Variants in GALNT18 observed in about 807,000 individuals in gnomAD.
GALNT18 encodes the protein polypeptide N-acetylgalactosaminyltransferase 18.
Under a neutral mutation model 69.5 loss-of-function variants are expected in GALNT18, and 44 were observed. That is an observed-to-expected ratio of 0.63 (90% CI 0.50 to 0.81). The LOEUF is 0.81. GALNT18 is among the 40% of genes least tolerant of loss of function. The pLI is 0.00. For synonymous variants in GALNT18, 364 were observed against 318.2 expected (o/e 1.14, Z -1.53); for missense variants, 715 against 810.0 (o/e 0.88, Z 1.42).
At chr11:11,450,035 C>A (rs761271149) in intron 1 of GALNT18, among the ~76,000 whole-genome samples, 2 of 152,170 alleles carry the variant, frequency 1.3e-5, no homozygotes, top group Non-Finnish European at 2.9e-5. Flanking sequence ...GACAGGCCAT[C>A]AGGTGAATCA....
rs1565038490 is a variant in GALNT18, at chr11:11,606,297, T to A, written c.235+15062A>T. ...AAAAACCGGACCCAGTCTCCACCTT[T>A]AAGTAACCCACAGTCTAATGAGAAA... On this transcript the variant is annotated intron_variant, in intron 1 of 10. Transcript: ENST00000227756. The surrounding 1 kb of genome is among the most constrained non-coding windows in gnomAD (Gnocchi z 5.4). Among the ~76,000 whole-genome samples, 1 of 152,192 alleles carries A rather than the reference T, an allele frequency of 6.6e-6. No individual in the cohort carries two copies. Among genetic ancestry groups the A allele is most frequent in the Non-Finnish European group, 1.5e-5 (1 of 68,034 alleles).
chr11:11,311,619 G>A (rs1849675277), intron 9 of GALNT18, among the ~76,000 whole-genome samples: 1 of 152,090 alleles, frequency 6.6e-6, no homozygotes, highest in African/African-American at 2.4e-5. Context: ...AGAAGGAGGT[G>A]TCCCCTGCTC....
Position 11,465,764 on chromosome 11 carries a change from G to A in GALNT18, c.236-16828C>T, listed in dbSNP as rs1235543000. On this transcript the variant is annotated intron_variant, in intron 1 of 10. Transcript: ENST00000227756. This position sits in a 1 kb window ranked among gnomAD's most constrained non-coding sequence, Gnocchi z 5.7. The stretch of plus-strand genomic sequence containing the variant: ...GCTCCATATTAACCTCTTCTCCTCT[G>A]CCAGGCCCCAGGAGGATGTGGAATT... 1.3e-5 allele frequency among the ~76,000 whole-genome samples: 2 copies of A among 152,164 alleles called. No homozygotes were observed. Among genetic ancestry groups the A allele is most frequent in the African/African-American group, 2.4e-5 (1 of 41,432 alleles).
At chr11:11,328,195 G>A (rs1210384415) in intron 8 of GALNT18, among the ~76,000 whole-genome samples, 4 of 152,174 alleles carry the variant, frequency 2.6e-5, no homozygotes, top group African/African-American at 4.8e-5. Flanking sequence ...CCCCTGCAGC[G>A]GCTTCAGTGG....
intron 1 of GALNT18, among the ~76,000 whole-genome samples, chr11:11,512,398 T>C (rs1394382681): frequency 6.6e-6 from 1 of 152,204 alleles, no homozygotes; most frequent in Non-Finnish European, 1.5e-5. Flanking sequence ...ATGGTGCTTG[T>C]CATTTACAGA....
rs1260913817 is a variant in GALNT18, at chr11:11,421,408, G to A, written c.595+11213C>T. On this transcript the variant is annotated intron_variant, in intron 3 of 10. Coordinates refer to ENST00000227756, the MANE Select transcript of GALNT18 (RefSeq NM_198516.3). This position sits in a 1 kb window ranked among gnomAD's most constrained non-coding sequence, Gnocchi z 5.6. Reference sequence around the variant, plus strand: ...GGTGGGAAGTCCCAGCCCCCATGATGTAGGAAGCCAGGTGGATCGAACCGT... The same window carrying A: ...GGTGGGAAGTCCCAGCCCCCATGATATAGGAAGCCAGGTGGATCGAACCGT... Among the ~76,000 whole-genome samples, 1 of 152,218 alleles carries A rather than the reference G, an allele frequency of 6.6e-6. No individual in the cohort carries two copies. Among genetic ancestry groups the A allele is most frequent in the African/African-American group, 2.4e-5 (1 of 41,452 alleles).
chr11:11,365,985 C>T (rs1281565500), intron 6 of GALNT18, among the ~76,000 whole-genome samples: 1 of 152,202 alleles, frequency 6.6e-6, no homozygotes, highest in Non-Finnish European at 1.5e-5. Context: ...TCACTCAGGA[C>T]TTCCAATCTT....
intron 1 of GALNT18, among the ~76,000 whole-genome samples, chr11:11,578,102 C>T (rs1346469714): frequency 5.3e-5 from 8 of 152,182 alleles, no homozygotes; most frequent in African/African-American, 1.7e-4. Context: ...CCCACAGGCA[C>T]ACGAGCCTCA....
chr11:11,377,218 G>A lies in GALNT18; in HGVS notation c.941C>T (p.Ala314Val), dbSNP rs527706990. Residue 314 changes from alanine (A) to valine (V), a missense_variant, in exon 5 of 11, where the codon GCC becomes GTC. Physicochemically the swap from Ala to Val is moderately conservative, Grantham distance 64. Coordinates refer to ENST00000227756, the MANE Select transcript of GALNT18 (RefSeq NM_198516.3). The surrounding 1 kb of genome is among the most constrained non-coding windows in gnomAD (Gnocchi z 4.6). ...LWCRYLNPPK[A>V]WWKLENSTAP... ...TGTGGAGTTCTCCAGCTTCCACCAG[G>A]CCTTGGGGGGATTTAGGTAGCGGCA... is the stretch of plus-strand genomic sequence containing the variant. 1.8e-5 allele frequency: 29 copies of A among 1,613,556 alleles called. 1 individual carries two copies. In the Admixed American group the frequency reaches 2.0e-4, roughly 11 times the overall value.
intron 1 of GALNT18, among the ~76,000 whole-genome samples, chr11:11,521,448 A>C (rs1190823382): frequency 7.9e-5 from 12 of 151,662 alleles, no homozygotes; most frequent in Admixed American, 7.9e-4. Flanking sequence ...GTGACTCTCT[A>C]AGTCCCTTCA....
intron 9 of GALNT18, among the ~76,000 whole-genome samples, chr11:11,305,252 T>C (rs1385486712): frequency 6.6e-6 from 1 of 152,198 alleles, no homozygotes; most frequent in East Asian, 1.9e-4. Context: ...GCCTTTTTAG[T>C]ATCAGCTGCT....
chr11:11,398,806 C>T (rs1266055668), intron 3 of GALNT18, among the ~76,000 whole-genome samples: 1 of 152,178 alleles, frequency 6.6e-6, no homozygotes, highest in Non-Finnish European at 1.5e-5. Context: ...AACTCAAGCA[C>T]AGGCAAGATT....
rs1402795615 is a variant in GALNT18 at position 11,469,797 on chromosome 11, G to A, written c.236-20861C>T. On this transcript the variant is annotated intron_variant, in intron 1 of 10. Coordinates refer to ENST00000227756, the MANE Select transcript of GALNT18 (RefSeq NM_198516.3). The surrounding 1 kb of genome is among the most constrained non-coding windows in gnomAD (Gnocchi z 4.2). ...GCAGACTTTTCCAAAGGTATTTAGG[G>A]GCTCAGGTGGCAGTTAGACATGGGG... 6.6e-6 allele frequency among the ~76,000 whole-genome samples: 1 copy of A among 152,106 alleles called. No individual in the cohort carries two copies. The highest frequency in any genetic ancestry group is 1.5e-5 in the Non-Finnish European group (1 of 68,026).
intron 1 of GALNT18, among the ~76,000 whole-genome samples, chr11:11,501,629 C>A (rs1034937657): frequency 6.6e-6 from 1 of 152,108 alleles, no homozygotes; most frequent in African/African-American, 2.4e-5. Context: ...TTCAGTAAGG[C>A]CTGTTTCTAC....
intron 1 of GALNT18, among the ~76,000 whole-genome samples, chr11:11,594,852 TAC>T (rs1156792710): frequency 2.6e-4 from 14 of 54,126 alleles, no homozygotes; most frequent in African/African-American, 5.8e-4. Context: ...CACATATACA[TAC>T]ATACACACAC....
rs1350616752 is a variant in GALNT18, at chr11:11,387,211, C to G, written c.596-7947G>C. Among the ~76,000 whole-genome samples, 1 of 152,160 alleles carries G rather than the reference C, an allele frequency of 6.6e-6. No homozygotes were observed. The highest frequency in any genetic ancestry group is 1.5e-5 in the Non-Finnish European group (1 of 68,036). On this transcript the variant is annotated intron_variant, in intron 3 of 10. Coordinates refer to ENST00000227756, the MANE Select transcript of GALNT18 (RefSeq NM_198516.3). The surrounding 1 kb of genome is among the most constrained non-coding windows in gnomAD (Gnocchi z 4.6). Reference sequence around the variant, plus strand: ...GCCCCATCTTGCTGCCCTCAGTTGCCGGTCCTTCCCTTTCCAGCTGCTTTT... The same window carrying G: ...GCCCCATCTTGCTGCCCTCAGTTGCGGGTCCTTCCCTTTCCAGCTGCTTTT...
intron 3 of GALNT18, among the ~76,000 whole-genome samples, chr11:11,426,370 C>T (rs1855130411): frequency 6.6e-6 from 1 of 152,226 alleles, no homozygotes. Flanking sequence ...GCAGCTGTCC[C>T]AGGCTCCTCA....
In GALNT18 at chr11:11,621,888, T is replaced by TAC; in HGVS notation, c.-296_-295insGT. On this transcript the variant is annotated 5_prime_UTR_variant, in exon 1 of 11. It removes the in-frame stop codon of an upstream open reading frame in the 5' UTR. Transcript: ENST00000227756. This position sits in a 1 kb window ranked among gnomAD's most constrained non-coding sequence, Gnocchi z 9.3. The stretch of plus-strand genomic sequence containing the variant: ...GTCACGGGTAGCCGGCAGCCGCGCG[T>TAC]CCAGATGTGTACGTCTGGGAAACTT... 1 of 300,676 alleles carries TAC rather than the reference T, an allele frequency of 3.3e-6. No individual in the cohort carries two copies. The highest frequency in any genetic ancestry group is 6.7e-5 in the East Asian group (1 of 15,008). 18.6% of individuals were successfully genotyped at this position (300,676 alleles called of 1,614,324 possible).
At position 11,401,960 on chromosome 11, in the gene GALNT18, G is replaced by C. The variant is rs558297615; in HGVS notation, c.596-22696C>G. Among the ~76,000 whole-genome samples the C allele has an allele frequency of 3.9e-5, 6 of 152,356 alleles. No individual in the cohort carries two copies. In the South Asian group the frequency reaches 1.2e-3, roughly 32 times the overall value. On this transcript the variant is annotated intron_variant, in intron 3 of 10. Coordinates refer to ENST00000227756, the MANE Select transcript of GALNT18 (RefSeq NM_198516.3). The stretch of plus-strand genomic sequence containing the variant: ...AAGGAAGGGCTTTACAGAAGCACTG[G>C]CATTTTGGCTGGGCCTTAAGGAATA...
Sources: gnomAD v4.1 joint callset for allele counts (sites outside exome capture counted in the v4.1 genomes callset) on GRCh38, gnomAD v4.1.1 for gene constraint, Gnocchi (gnomAD v3.1) non-coding constraint, MANE v1.5 for transcripts, NCBI Gene and HGNC (gene_info 2026-07-23, HGNC 2026-07-21) for gene names.